GRM7: variants seen among roughly 807,000 people sequenced by gnomAD.
The protein encoded by GRM7 is metabotropic glutamate receptor 7.
Under a neutral mutation model 84.5 loss-of-function variants are expected in GRM7, and 35 were observed. That is an observed-to-expected ratio of 0.41 (90% CI 0.32 to 0.55). The LOEUF (loss-of-function observed/expected upper bound fraction) is 0.55, where lower values mean the gene tolerates loss of function less well. Ranked by LOEUF, GRM7 falls within the 20% of genes least tolerant of loss-of-function variation. The pLI is 0.19. For synonymous variants in GRM7, 487 were observed against 455.1 expected (o/e 1.07, Z -0.89); for missense variants, 1,003 against 1,194.6 (o/e 0.84, Z 2.36).
At chr3:7,494,800 A>T (rs187913201) in intron 7 of GRM7, among the ~76,000 whole-genome samples, 55 of 152,230 alleles carry the variant, frequency 3.6e-4, no homozygotes, top group Middle Eastern at 3.4e-3. Flanking sequence ...GTTCTTTTTC[A>T]TAATATTATT....
At position 6,861,152 on chromosome 3, in the gene GRM7, T is replaced by C; in HGVS notation, c.-237T>C. The stretch of plus-strand genomic sequence containing the variant: ...TTGGAGAGAGCGAGCAGCAAGCCGG[T>C]GAGCGCGAGCGCGGCGCGCCGGCCG... On this transcript the variant is annotated 5_prime_UTR_variant, in exon 1 of 10. Coordinates refer to ENST00000357716, the MANE Select transcript of GRM7 (RefSeq NM_000844.4). The surrounding 1 kb of genome is among the most constrained non-coding windows in gnomAD (Gnocchi z 6.4). 7.0e-6 allele frequency: 3 copies of C among 428,672 alleles called. No homozygotes were observed. Among genetic ancestry groups the C allele is most frequent in the Non-Finnish European group, 8.1e-6 (2 of 245,568 alleles). 26.6% of individuals were successfully genotyped at this position (428,672 alleles called of 1,614,324 possible).
chr3:7,182,342 T>G (rs1395657179), intron 2 of GRM7, among the ~76,000 whole-genome samples: 1 of 152,196 alleles, frequency 6.6e-6, no homozygotes, highest in African/African-American at 2.4e-5. Context: ...GCTCTGTAAT[T>G]AGCTATTTTG....
intron 7 of GRM7, among the ~76,000 whole-genome samples, chr3:7,568,213 T>C (rs1405026500): frequency 2.0e-5 from 3 of 151,860 alleles, no homozygotes; most frequent in Non-Finnish European, 3.0e-5. Context: ...AGAAGGGTCC[T>C]TGTGTACTCT....
At chr3:7,599,067 T>C (rs1448771393) in intron 8 of GRM7, among the ~76,000 whole-genome samples, 1 of 152,172 alleles carries the variant, frequency 6.6e-6, no homozygotes, top group Admixed American at 6.6e-5. Context: ...TAAGCCCTTT[T>C]ATTATACAGA....
At chr3:6,902,528 C>G (rs1696424778) in intron 1 of GRM7, among the ~76,000 whole-genome samples, 1 of 152,144 alleles carries the variant, frequency 6.6e-6, no homozygotes, top group Non-Finnish European at 1.5e-5. Flanking sequence ...TAAGAGTCAA[C>G]TTGCCCCAGA....
intron 9 of GRM7, among the ~76,000 whole-genome samples, chr3:7,684,544 T>G (rs997067338): frequency 6.6e-6 from 1 of 152,156 alleles, no homozygotes; most frequent in African/African-American, 2.4e-5. Context: ...CTCATCCAAC[T>G]CCACACTGCA....
rs558553389 is a variant in GRM7 at position 7,384,720 on chromosome 3, G to A, written c.1034-30303G>A. 8.1e-4 allele frequency among the ~76,000 whole-genome samples: 123 copies of A among 152,140 alleles called. 1 individual carries two copies. The highest frequency in any genetic ancestry group is 2.1e-3 in the African/African-American group (86 of 41,496). ...GTTTCAGTTGTTCAACAGCCACACGGGGCTGGTGGCTATCAAGTCGAATAC... is the reference window on the plus strand; with the variant it reads ...GTTTCAGTTGTTCAACAGCCACACGAGGCTGGTGGCTATCAAGTCGAATAC... On this transcript the variant is annotated intron_variant, in intron 4 of 9. Transcript: ENST00000357716.
intron 1 of GRM7, among the ~76,000 whole-genome samples, chr3:7,030,667 T>A (rs962498144): frequency 7.2e-5 from 11 of 152,146 alleles, no homozygotes; most frequent in African/African-American, 2.7e-4. Context: ...ATCACCGGCT[T>A]TAGGAGATAG....
Position 7,680,218 on chromosome 3 carries a change from C to T in GRM7, c.2621C>T (p.Ser874Leu), listed in dbSNP as rs753302178. The change falls in exon 9 of 10, where the codon TCG becomes TTG. Residue 874 changes from serine (S) to leucine (L), a missense_variant. Physicochemically the swap from Ser to Leu is moderately radical, Grantham distance 145 (BLOSUM62 -2). This residue lies in a region of GRM7 where 910 missense variants were observed against 1,126.0 expected (regional missense o/e 0.81). Transcript: ENST00000357716. ...GTAGTCACAGCAGCCACCATGTCAT[C>T]GAGGCTGTCACACAAACCCAGTGAC... ...KAVVTAATMSSRLSHKPSDRP... is the reference protein window; with the variant it reads ...KAVVTAATMSLRLSHKPSDRP... The T allele has an allele frequency of 9.3e-6, 15 of 1,613,830 alleles. No homozygotes were observed. The highest frequency in any genetic ancestry group is 1.3e-5 in the Non-Finnish European group (15 of 1,179,680).
chr3:7,027,061 G>C (rs111352522), intron 1 of GRM7, among the ~76,000 whole-genome samples: 1 of 152,050 alleles, frequency 6.6e-6, no homozygotes, highest in East Asian at 1.9e-4. Flanking sequence ...TAGCTTTAAA[G>C]GGTCACCACA....
chr3:6,897,656 C>T (rs1490818446), intron 1 of GRM7, among the ~76,000 whole-genome samples: 1 of 152,168 alleles, frequency 6.6e-6, no homozygotes, highest in East Asian at 1.9e-4. Context: ...AATGTATTAA[C>T]TCATCCTGAA....
chr3:7,202,566 A>C (rs2125114935), intron 2 of GRM7, among the ~76,000 whole-genome samples: 1 of 152,232 alleles, frequency 6.6e-6, no homozygotes, highest in Non-Finnish European at 1.5e-5. Flanking sequence ...CCTGACCTCA[A>C]GTGATCTGCC....
At chr3:7,381,016 A>G (rs1247177439) in intron 4 of GRM7, among the ~76,000 whole-genome samples, 1 of 152,144 alleles carries the variant, frequency 6.6e-6, no homozygotes, top group Non-Finnish European at 1.5e-5. Flanking sequence ...GAGAGGCATT[A>G]TGGGGTGGAG....
chr3:7,019,287 C>T (rs1260093607), intron 1 of GRM7, among the ~76,000 whole-genome samples: 1 of 152,082 alleles, frequency 6.6e-6, no homozygotes, highest in African/African-American at 2.4e-5. Context: ...GAACCTGTAT[C>T]GATACATCAT....
Position 7,304,864 on chromosome 3 carries a change from G to C in GRM7, c.879-1634G>C, listed in dbSNP as rs1439118864. Among the ~76,000 whole-genome samples, 4 of 151,264 alleles carry C rather than the reference G, an allele frequency of 2.6e-5. No individual in the cohort carries two copies. The East Asian group carries it at 7.8e-4, about 29-fold the overall frequency. On this transcript the variant is annotated intron_variant, in intron 3 of 9. Coordinates refer to ENST00000357716, the MANE Select transcript of GRM7 (RefSeq NM_000844.4). ...CCACCTCACACATTTCCTTTTCCTTGTTAATATTTCTATTTGGCAATGGAG... is the reference window on the plus strand; with the variant it reads ...CCACCTCACACATTTCCTTTTCCTTCTTAATATTTCTATTTGGCAATGGAG...
chr3:7,389,697 A>G (rs1474794324), intron 4 of GRM7, among the ~76,000 whole-genome samples: 1 of 151,588 alleles, frequency 6.6e-6, no homozygotes, highest in African/African-American at 2.4e-5. Context: ...TTTGTTTTAT[A>G]TTTGCATGAT....
chr3:7,434,129 G>A (rs559051212), intron 5 of GRM7, among the ~76,000 whole-genome samples: 8 of 152,058 alleles, frequency 5.3e-5, no homozygotes, highest in South Asian at 2.1e-4. Context: ...GATTGTTAAC[G>A]CTACCATTAC....
intron 1 of GRM7, among the ~76,000 whole-genome samples, chr3:6,891,953 A>C (rs1052094048): frequency 6.6e-6 from 1 of 151,826 alleles, no homozygotes; most frequent in Admixed American, 6.6e-5. Context: ...TTTTTCTGTA[A>C]ACTTCCCTTC....
At chr3:7,511,220 AGGG>A (rs1700188347) in intron 7 of GRM7, among the ~76,000 whole-genome samples, 1 of 152,156 alleles carries the variant, frequency 6.6e-6, no homozygotes. Context: ...CCTCGACTAT[AGGG>A]GTTGTGGGGA....
Sources: gnomAD v4.1 joint callset for allele counts (sites outside exome capture counted in the v4.1 genomes callset) on GRCh38, gnomAD v4.1.1 for gene constraint, gnomAD v4.1.1 regional missense constraint, Gnocchi (gnomAD v3.1) non-coding constraint, MANE v1.5 for transcripts, NCBI Gene and HGNC (gene_info 2026-07-23, HGNC 2026-07-21) for gene names.